Variants in FAM83B observed in about 807,000 individuals in gnomAD.
FAM83B encodes the protein scaffolding CK1 anchoring protein B.
In FAM83B, 26 loss-of-function variants were observed where a neutral mutation model predicts 38.8. The observed-to-expected ratio is 0.67, with a 90% confidence interval of 0.49 to 0.93. The LOEUF (loss-of-function observed/expected upper bound fraction) is 0.93. FAM83B is among the 40% of genes least tolerant of loss of function. The pLI, the probability that FAM83B is intolerant of heterozygous loss-of-function variation, is 0.00. For synonymous variants in FAM83B, 419 were observed against 423.1 expected, an observed-to-expected ratio of 0.99 and a Z score of 0.12; for missense variants, 1,237 against 1,197.3, an observed-to-expected ratio of 1.03 and a Z score of -0.49.
At chr6:54,904,371 G>C (rs1052491322) in intron 2 of FAM83B, among the ~76,000 whole-genome samples, 1 of 152,050 alleles carries the variant, frequency 6.6e-6, no homozygotes, top group South Asian at 2.1e-4. Context: ...GAATCTACAG[G>C]TACTGACATT....
Position 54,920,705 on chromosome 6 carries a change from G to A in FAM83B, c.445-5666G>A, listed in dbSNP as rs1306888495. Among the ~76,000 whole-genome samples, 4 of 151,754 alleles carry A rather than the reference G, an allele frequency of 2.6e-5. No homozygotes were observed. In the East Asian group the frequency reaches 7.7e-4, roughly 29 times the overall value. ...ATTTATTTTCACTTTTCTTATCACT[G>A]GTTTCTACCACACTTTTTGGTTATT... On this transcript the variant is annotated intron_variant, in intron 2 of 4. Transcript: ENST00000306858.
chr6:54,926,308 G>T, intron 2 of FAM83B, 63 bp from the exon 3 acceptor site: 1 of 1,107,506 alleles, frequency 9.0e-7, no homozygotes, highest in Non-Finnish European at 1.3e-6. Flanking sequence ...CTGAAAGTAA[G>T]CAATTTCTTA....
chr6:54,933,691 C>A (rs1419256271), intron 4 of FAM83B, among the ~76,000 whole-genome samples: 1 of 152,042 alleles, frequency 6.6e-6, no homozygotes, highest in Non-Finnish European at 1.5e-5. Context: ...CCTTTCAAAT[C>A]TTTTCTGACC....
rs781382589 is a variant in FAM83B at position 54,941,885 on chromosome 6, T to C, written c.2914T>C (p.Tyr972His). The change falls in exon 5 of 5, where the codon TAT becomes CAT. Residue 972 changes from tyrosine to histidine, a missense_variant. Tyr to His is a moderately conservative substitution (Grantham distance 83, BLOSUM62 2). Transcript: ENST00000306858. ...AAAATCTGCGACTATGGGCAACAGT[T>C]ATGGCAGGTCTAGTCCATTGCTTAA... ...EIKSATMGNSYGRSSPLLNYN... is the reference protein window; with the variant it reads ...EIKSATMGNSHGRSSPLLNYN... 1 of 1,614,118 alleles carries C rather than the reference T, an allele frequency of 6.2e-7. No individual in the cohort carries two copies. Among genetic ancestry groups the C allele is most frequent in the East Asian group, 2.2e-5 (1 of 44,872 alleles).
intron 1 of FAM83B, among the ~76,000 whole-genome samples, chr6:54,850,499 T>C (rs899400313): frequency 1.3e-5 from 2 of 152,224 alleles, no homozygotes; most frequent in African/African-American, 4.8e-5. Context: ...TAACATCAGA[T>C]TCCTTCTTTG....
rs1773729208 is a variant in FAM83B at position 54,942,550 on chromosome 6, C to CATTTTTT, written c.*558_*564dup. 6.6e-6 allele frequency among the ~76,000 whole-genome samples: 1 copy of CATTTTTT among 151,562 alleles called. No homozygotes were observed. Among genetic ancestry groups the CATTTTTT allele is most frequent in the Non-Finnish European group, 1.5e-5 (1 of 67,998 alleles). On this transcript the variant is annotated 3_prime_UTR_variant, in exon 5 of 5. Coordinates refer to ENST00000306858, the MANE Select transcript of FAM83B (RefSeq NM_001010872.3). The stretch of plus-strand genomic sequence containing the variant: ...GTTTGGGCAACAGCAGTACCTTTTA[C>CATTTTTT]ATTTTTTATTTTTTATTTTTTTTTC...
intron 2 of FAM83B, among the ~76,000 whole-genome samples, chr6:54,914,322 A>G (rs577322010): frequency 8.5e-5 from 13 of 152,322 alleles, no homozygotes; most frequent in Non-Finnish European, 1.9e-4. Flanking sequence ...AGAAATGCCA[A>G]GTTTCATGAC....
intron 4 of FAM83B, among the ~76,000 whole-genome samples, chr6:54,933,975 G>A (rs1011502798): frequency 1.3e-5 from 2 of 152,092 alleles, no homozygotes; most frequent in Admixed American, 6.6e-5. Context: ...ATAGGAATGA[G>A]CTGGCCAAAC....
intron 1 of FAM83B, among the ~76,000 whole-genome samples, chr6:54,849,444 G>C (rs1771213519): frequency 1.3e-5 from 2 of 151,928 alleles, no homozygotes; most frequent in Admixed American, 6.6e-5. Context: ...GGTGGAGTGG[G>C]GGGCAAGTGG....
Position 54,942,558 on chromosome 6 carries a change from A to AT in FAM83B, c.*557dup, listed in dbSNP as rs1191321894. 2.0e-5 allele frequency among the ~76,000 whole-genome samples: 3 copies of AT among 150,874 alleles called. No homozygotes were observed. Among genetic ancestry groups the AT allele is most frequent in the Admixed American group, 1.4e-4 (2 of 14,676 alleles). On this transcript the variant is annotated 3_prime_UTR_variant, in exon 5 of 5. Transcript: ENST00000306858. Reference sequence around the variant, plus strand: ...AACAGCAGTACCTTTTACATTTTTTATTTTTTATTTTTTTTTCTGCCTGAA... The same window carrying AT: ...AACAGCAGTACCTTTTACATTTTTTATTTTTTTATTTTTTTTTCTGCCTGAA...
rs1013918251 is a variant in FAM83B at position 54,943,197 on chromosome 6, T to C, written c.*1190T>C. 1 of 152,222 alleles carries C rather than the reference T, an allele frequency of 6.6e-6. No individual in the cohort carries two copies. Among genetic ancestry groups the C allele is most frequent in the Admixed American group, 6.5e-5 (1 of 15,270 alleles). The allele number at this position is 152,222 out of a possible 1,614,324, so 9.4% of individuals were successfully genotyped here. ...ATTACAGGTCTTGCTCTTCTTTAAG[T>C]TGTGCCAAATATGATATGACTGCAT... On this transcript the variant is annotated 3_prime_UTR_variant, in exon 5 of 5. Transcript: ENST00000306858.
chr6:54,878,666 G>C (rs1162598093), intron 2 of FAM83B, among the ~76,000 whole-genome samples: 1 of 152,154 alleles, frequency 6.6e-6, no homozygotes, highest in East Asian at 1.9e-4. Context: ...AGGAAACATG[G>C]AGGCTAGATC....
chr6:54,866,547 GA>G (rs1771710821), intron 1 of FAM83B, among the ~76,000 whole-genome samples: 1 of 152,128 alleles, frequency 6.6e-6, no homozygotes. Context: ...AAACTTTGGA[GA>G]TTGGTGTTTT....
At chr6:54,934,032 G>A (rs1403082669) in intron 4 of FAM83B, among the ~76,000 whole-genome samples, 1 of 152,080 alleles carries the variant, frequency 6.6e-6, no homozygotes, top group Non-Finnish European at 1.5e-5. Context: ...TGTTCTGGGT[G>A]CTCTATCTTT....
At chr6:54,870,974 A>T (rs1771839961) in intron 2 of FAM83B, among the ~76,000 whole-genome samples, 1 of 152,180 alleles carries the variant, frequency 6.6e-6, no homozygotes, top group Non-Finnish European at 1.5e-5. Context: ...GTTGACTAGG[A>T]ATAAGATTAC....
chr6:54,868,658 G>C (rs928879496), intron 1 of FAM83B, among the ~76,000 whole-genome samples: 1 of 152,148 alleles, frequency 6.6e-6, no homozygotes, highest in Non-Finnish European at 1.5e-5. Flanking sequence ...GCCATCACCA[G>C]AATTCAGATG....
intron 3 of FAM83B, among the ~76,000 whole-genome samples, 159 bp from the exon 4 acceptor site, chr6:54,927,349 A>G (rs1227662039): frequency 3.3e-5 from 5 of 151,840 alleles, no homozygotes; most frequent in Admixed American, 3.3e-4. Context: ...TATATTTTAA[A>G]TGATTATTTT....
intron 4 of FAM83B, among the ~76,000 whole-genome samples, chr6:54,932,007 C>CTTTTTTTTTTTTTTT (rs377085448): frequency 1.1e-5 from 1 of 89,188 alleles, no homozygotes; most frequent in African/African-American, 5.3e-5. Flanking sequence ...TTACATAAAA[C>CTTTTTTTTTTTTTTT]TTTTTTTTTT....
In FAM83B at chr6:54,940,577, A is replaced by T; in HGVS notation, c.1606A>T (p.Thr536Ser). The T allele has an allele frequency of 6.2e-7, 1 of 1,613,962 alleles. No homozygotes were observed. Among genetic ancestry groups the T allele is most frequent in the Non-Finnish European group, 8.5e-7 (1 of 1,180,006 alleles). The stretch of plus-strand genomic sequence containing the variant: ...GAATTTGAAGGCCAATGCCCTTTAT[A>T]CTCATTCTCGGCTTCGTTCCTCTTT... ...PENLKANALY[T>S]HSRLRSSLVF... Residue 536 changes from threonine (T) to serine (S), a missense_variant, in exon 5 of 5, where the codon ACT (threonine) becomes TCT (serine). Coordinates refer to ENST00000306858, the MANE Select transcript of FAM83B (RefSeq NM_001010872.3).
Sources: gnomAD v4.1 joint callset for allele counts (sites outside exome capture counted in the v4.1 genomes callset) on GRCh38, gnomAD v4.1.1 for gene constraint, MANE v1.5 for transcripts, NCBI Gene and HGNC (gene_info 2026-07-23, HGNC 2026-07-21) for gene names.